The following TEX264 variants were observed in gnomAD, a reference collection of about 807,000 sequenced individuals.
TEX264 encodes the protein testis expressed 264, ER-phagy receptor.
A neutral mutation model predicts 23.4 loss-of-function variants in TEX264; 13 were observed. The observed-to-expected ratio is 0.56, with a 90% CI of 0.36 to 0.88. The LOEUF (loss-of-function observed/expected upper bound fraction) is 0.88. Among genes scored for constraint, TEX264 ranks in the 40% least tolerant of loss-of-function variants. The pLI is 0.01. For missense variants in TEX264, 340 were observed against 406.8 expected (o/e 0.84, Z 1.41); for synonymous variants, 159 against 170.0 (o/e 0.94, Z 0.50).
intron 1 of TEX264, among the ~76,000 whole-genome samples, chr3:51,672,740 G>A (rs919209958): frequency 4.6e-5 from 7 of 152,254 alleles, no homozygotes; most frequent in African/African-American, 1.7e-4. Context: ...CCTTGGGCAA[G>A]TCTCTTAACC....
intron 3 of TEX264, among the ~76,000 whole-genome samples, chr3:51,698,800 C>T (rs927479197): frequency 1.3e-5 from 2 of 152,178 alleles, no homozygotes; most frequent in African/African-American, 4.8e-5. Context: ...TGACATAGCT[C>T]TAAACTAGCA....
At chr3:51,679,990 G>T (rs980185159) in intron 2 of TEX264, among the ~76,000 whole-genome samples, 1 of 152,118 alleles carries the variant, frequency 6.6e-6, no homozygotes, top group African/African-American at 2.4e-5. Context: ...ACGAGGTCCC[G>T]TATCAACCAC....
intron 3 of TEX264, among the ~76,000 whole-genome samples, chr3:51,693,070 G>A (rs1702884794): frequency 6.6e-6 from 1 of 152,228 alleles, no homozygotes; most frequent in Non-Finnish European, 1.5e-5. Flanking sequence ...TGCTTAGAGG[G>A]AAACATTGTT....
At chr3:51,695,497 ACAAAG>A (rs1386481493) in intron 3 of TEX264, among the ~76,000 whole-genome samples, 1 of 152,222 alleles carries the variant, frequency 6.6e-6, no homozygotes, top group Non-Finnish European at 1.5e-5. Context: ...TGTCCTGAAT[ACAAAG>A]CACTAAATGA....
intron 2 of TEX264, among the ~76,000 whole-genome samples, chr3:51,678,205 C>A (rs999429042): frequency 2.6e-5 from 4 of 152,182 alleles, no homozygotes; most frequent in African/African-American, 7.2e-5. Flanking sequence ...AAAGTGACTT[C>A]AGGCTCCCTT....
intron 3 of TEX264, among the ~76,000 whole-genome samples, chr3:51,685,743 A>G (rs1024938716): frequency 2.6e-5 from 4 of 152,218 alleles, no homozygotes; most frequent in Non-Finnish European, 4.4e-5. Flanking sequence ...ATCTGGGACC[A>G]GGTGGAGATG....
chr3:51,688,111 A>C (rs913422961), intron 3 of TEX264, among the ~76,000 whole-genome samples: 2 of 152,230 alleles, frequency 1.3e-5, no homozygotes, highest in Admixed American at 6.5e-5. Context: ...AAGATGCCTC[A>C]GCTTTGTCAG....
chr3:51,688,580 A>C (rs1366116246), intron 3 of TEX264, among the ~76,000 whole-genome samples: 1 of 151,830 alleles, frequency 6.6e-6, no homozygotes, highest in East Asian at 1.9e-4. Context: ...TTTTAGGGGG[A>C]GGGTCTTTGT....
chr3:51,675,512 G>A (rs1173827785), intron 2 of TEX264, among the ~76,000 whole-genome samples: 2 of 152,204 alleles, frequency 1.3e-5, no homozygotes, highest in Non-Finnish European at 2.9e-5. Flanking sequence ...CTCTGTGCCA[G>A]GTTCTACTCT....
chr3:51,694,043 CTTCCTCCCTTCCCT>C (rs1702942325), intron 3 of TEX264, among the ~76,000 whole-genome samples: 1 of 130,536 alleles, frequency 7.7e-6, no homozygotes. Flanking sequence ...TCCTTCCTTC[CTTCCTCCCTTCCCT>C]TCCCTTCCCT....
chr3:51,699,802 G>A (rs980419249), intron 4 of TEX264, among the ~76,000 whole-genome samples: 1 of 152,106 alleles, frequency 6.6e-6, no homozygotes, highest in Non-Finnish European at 1.5e-5. Context: ...ATTACCTCCT[G>A]GCAACACAGA....
At chr3:51,673,295 C>G (rs904312328) in intron 1 of TEX264, among the ~76,000 whole-genome samples, 7 of 152,192 alleles carry the variant, frequency 4.6e-5, no homozygotes, top group South Asian at 2.1e-4. Context: ...TTTTCCCCCC[C>G]GCCAGGCAAC....
At chr3:51,676,088 G>C (rs1223224189) in intron 2 of TEX264, among the ~76,000 whole-genome samples, 1 of 152,204 alleles carries the variant, frequency 6.6e-6, no homozygotes, top group East Asian at 1.9e-4. Context: ...GGGAGCACTG[G>C]AGCCTGAGTG....
rs201059799 is a variant in TEX264, at chr3:51,674,488, C to T, written c.184C>T (p.Arg62Trp). ...CATGGGGCTCTATGGTGAGACTGGGCGGCTTTTCACTGAGAGCTGCAGCAT... is the reference window on the plus strand; with the variant it reads ...CATGGGGCTCTATGGTGAGACTGGGTGGCTTTTCACTGAGAGCTGCAGCAT... ...FHMGLYGETG[R>W]LFTESCSISP... Residue 62 changes from arginine (R) to tryptophan (W), a missense_variant, in exon 2 of 5, where the codon CGG (arginine) becomes TGG (tryptophan). Coordinates refer to ENST00000341333, the MANE Select transcript of TEX264 (RefSeq NM_015926.6). 3.8e-5 allele frequency: 61 copies of T among 1,614,058 alleles called. No individual in the cohort carries two copies. The highest frequency in any genetic ancestry group is 4.2e-5 in the Non-Finnish European group (49 of 1,180,046).
chr3:51,674,190 G>C, intron 1 of TEX264, 81 bp from the exon 2 acceptor site: 1 of 1,488,754 alleles, frequency 6.7e-7, no homozygotes, highest in African/African-American at 1.4e-5. Flanking sequence ...TGAGGAGGTT[G>C]GGCCAGAACT....
intron 3 of TEX264, among the ~76,000 whole-genome samples, chr3:51,696,856 C>T (rs1277510787): frequency 6.6e-6 from 1 of 152,212 alleles, no homozygotes; most frequent in East Asian, 1.9e-4. Flanking sequence ...CCATGCCTCC[C>T]TCCAGTAGGG....
intron 1 of TEX264, among the ~76,000 whole-genome samples, chr3:51,673,111 C>T (rs146980795): frequency 2.0e-4 from 30 of 152,346 alleles, no homozygotes; most frequent in African/African-American, 6.7e-4. Flanking sequence ...CCAGCACCCA[C>T]AGGGAAGAAA....
At chr3:51,673,588 G>A (rs955640361) in intron 1 of TEX264, among the ~76,000 whole-genome samples, 5 of 152,224 alleles carry the variant, frequency 3.3e-5, no homozygotes, top group African/African-American at 1.2e-4. Context: ...GAAGCTTAGT[G>A]TTGGACTTTG....
chr3:51,698,154 T>C (rs1703141361), intron 3 of TEX264, among the ~76,000 whole-genome samples: 1 of 152,080 alleles, frequency 6.6e-6, no homozygotes, highest in Non-Finnish European at 1.5e-5. Flanking sequence ...CCTTTCAGGC[T>C]CACTCCTCTT....
Sources: allele counts gnomAD v4.1 joint callset (sites outside exome capture counted in the v4.1 genomes callset), GRCh38; gene constraint gnomAD v4.1.1; transcripts MANE v1.5; gene names NCBI Gene and HGNC (gene_info 2026-07-23, HGNC 2026-07-21).